ELP1: variants seen among roughly 807,000 people sequenced by gnomAD.
ELP1 encodes elongator complex protein 1.
A neutral mutation model predicts 183.2 loss-of-function variants in ELP1; 131 were observed. The observed-to-expected ratio is 0.72, with a 90% CI of 0.62 to 0.83. ELP1 has a LOEUF of 0.83. Among genes scored for constraint, ELP1 ranks in the 40% least tolerant of loss-of-function variants. The pLI is 0.00. For synonymous variants in ELP1, 555 were observed against 569.0 expected (o/e 0.98, Z 0.35); for missense variants, 1,550 against 1,594.9 (o/e 0.97, Z 0.48).
chr9:108,925,767 A>G lies in ELP1; in HGVS notation c.466+756T>C, dbSNP rs1163589162. On this transcript the variant is annotated intron_variant, in intron 5 of 36. Transcript: ENST00000374647. ...GTCTCCCTACGTTGCCTAGGCTAGTATCAAACTCCTGGGCTCAAGCAATCC... is the reference window on the plus strand; with the variant it reads ...GTCTCCCTACGTTGCCTAGGCTAGTGTCAAACTCCTGGGCTCAAGCAATCC... Among the ~76,000 whole-genome samples, 7 of 152,268 alleles carry G rather than the reference A, an allele frequency of 4.6e-5. No individual in the cohort carries two copies. The East Asian group carries it at 1.4e-3, about 29-fold the overall frequency.
At position 108,901,655 on chromosome 9, in the gene ELP1, C is replaced by G. The variant is rs1828814820; in HGVS notation, c.1881G>C (p.Arg627Ser). The G allele has an allele frequency of 1.9e-6, 3 of 1,614,066 alleles. No individual in the cohort carries two copies. The highest frequency in any genetic ancestry group is 1.6e-4 in the Middle Eastern group (1 of 6,084). The stretch of plus-strand genomic sequence containing the variant: ...CAATGTCATTGATGAAAAAGCGACA[C>G]CTGTCAGTCAGACCAAGGACACATT... ...EEECVLGLTD[R>S]CRFFINDIEV... Residue 627 changes from arginine (R) to serine (S), a missense_variant, in exon 17 of 37, where the codon AGG (arginine) becomes AGC (serine). Arg to Ser is a moderately radical substitution (Grantham distance 110). Transcript: ENST00000374647.
At chr9:108,872,736 C>T (rs950714587) in intron 36 of ELP1, among the ~76,000 whole-genome samples, 35 of 124,904 alleles carry the variant, frequency 2.8e-4, no homozygotes, top group African/African-American at 1.1e-3. Flanking sequence ...ACCCGGGAGG[C>T]GGAGCTTGCA....
At chr9:108,896,429 A>G in intron 25 of ELP1, 67 bp downstream of exon 25, 1 of 1,470,390 alleles carries the variant, frequency 6.8e-7, no homozygotes, top group Non-Finnish European at 9.5e-7. Flanking sequence ...CACTACCAGA[A>G]GCAGGGTTTC....
Position 108,881,744 on chromosome 9 carries a change from C to T in ELP1, c.3307G>A (p.Asp1103Asn). ...LRLVYKYNRLDIIETNVKPSI... is the reference protein window; with the variant it reads ...LRLVYKYNRLNIIETNVKPSI... ...GGCTTTACGTTGGTTTCTATAATAT[C>T]CAGTCTGTTATATTTGTATACCTAG... The change falls in exon 31 of 37, where the codon GAT becomes AAT. Residue 1103 changes from aspartate to asparagine, a missense_variant. Physicochemically the swap from Asp to Asn is conservative, Grantham distance 23. Transcript: ENST00000374647. The T allele has an allele frequency of 6.3e-7, 1 of 1,580,564 alleles. No individual in the cohort carries two copies. The highest frequency in any genetic ancestry group is 8.7e-7 in the Non-Finnish European group (1 of 1,149,906).
chr9:108,916,120 A>G, intron 10 of ELP1, 84 bp downstream of exon 10: 1 of 1,014,350 alleles, frequency 9.9e-7, no homozygotes, highest in Admixed American at 1.7e-5. Flanking sequence ...GGGACTAAGT[A>G]GAAGGGATGA....
intron 1 of ELP1, among the ~76,000 whole-genome samples, chr9:108,933,078 A>T (rs1451189249): frequency 6.6e-6 from 1 of 152,142 alleles, no homozygotes. Flanking sequence ...ATTAGCCCAA[A>T]CTTACCACTA....
At chr9:108,896,075 G>C (rs1279207763) in intron 25 of ELP1, among the ~76,000 whole-genome samples, 1 of 152,138 alleles carries the variant, frequency 6.6e-6, no homozygotes, top group Non-Finnish European at 1.5e-5. Flanking sequence ...GGCTAACACA[G>C]TGAAACCCTG....
chr9:108,880,558 A>G lies in ELP1; in HGVS notation c.3347-393T>C, dbSNP rs535965476. Among the ~76,000 whole-genome samples the G allele has an allele frequency of 1.4e-4, 21 of 152,308 alleles. 1 individual carries two copies. In the South Asian group the frequency reaches 4.3e-3, roughly 32 times the overall value. On this transcript the variant is annotated intron_variant, in intron 31 of 36. Transcript: ENST00000374647. The stretch of plus-strand genomic sequence containing the variant: ...ATGTTTCTGGCTAAACATCCATCAA[A>G]ATGCCCATGGATGTGGAAAAAATGT...
At position 108,879,575 on chromosome 9, in the gene ELP1, G is replaced by C. The variant is rs771159279; in HGVS notation, c.3461-18C>G. ...CTCATCATCTAGAAAAGAAGAACCA[G>C]AAGCCGATGAAAACACTGCCTGCTA... On this transcript the variant is annotated intron_variant, in intron 32 of 36. Transcript: ENST00000374647. The C allele has an allele frequency of 6.4e-7, 1 of 1,574,588 alleles. No homozygotes were observed.
chr9:108,891,148 G>T, intron 28 of ELP1, 55 bp downstream of exon 28: 2 of 1,553,434 alleles, frequency 1.3e-6, no homozygotes, highest in African/African-American at 2.7e-5. Context: ...CCAAACAAAA[G>T]AAATAAATTT....
intron 16 of ELP1, 140 bp downstream of exon 16, chr9:108,902,699 A>G: frequency 1.4e-6 from 1 of 711,056 alleles, no homozygotes; most frequent in South Asian, 1.5e-5. Flanking sequence ...GTGGCTTATG[A>G]AAGTGAGATC....
chr9:108,877,364 G>A (rs540309660), intron 35 of ELP1, among the ~76,000 whole-genome samples: 3 of 152,262 alleles, frequency 2.0e-5, no homozygotes, highest in South Asian at 4.1e-4. Flanking sequence ...TAAAATAATA[G>A]ATAGGCTTTT....
chr9:108,899,279 G>A (rs967811952), intron 20 of ELP1, among the ~76,000 whole-genome samples: 3 of 150,768 alleles, frequency 2.0e-5, no homozygotes, highest in Admixed American at 1.3e-4. Flanking sequence ...CAGCCTGGGT[G>A]ACAGAGCAAG....
chr9:108,869,269 G>A lies in ELP1; in HGVS notation c.3932-87C>T. 3 of 1,106,750 alleles carry A rather than the reference G, an allele frequency of 2.7e-6. 1 individual carries two copies. Among genetic ancestry groups the A allele is most frequent in the South Asian group, 2.5e-5 (2 of 80,702 alleles). The allele number at this position is 1,106,750 out of a possible 1,614,324, so 68.6% of individuals were successfully genotyped here. A position where few individuals can be genotyped will look rare whatever the true frequency, so the allele number is the denominator to read the frequency against. On this transcript the variant is annotated intron_variant, in intron 36 of 36. Coordinates refer to ENST00000374647, the MANE Select transcript of ELP1 (RefSeq NM_003640.5). The stretch of plus-strand genomic sequence containing the variant: ...AGTAACTCTAAACTAAACAAACTAG[G>A]CAGGTGGAGTTTGCAGCAATAAGAC...
At chr9:108,894,516 G>A (rs1828467514) in intron 25 of ELP1, among the ~76,000 whole-genome samples, 1 of 152,214 alleles carries the variant, frequency 6.6e-6, no homozygotes, top group Admixed American at 6.5e-5. Context: ...AGGGTCAGCT[G>A]AACATCAAAC....
Position 108,880,986 on chromosome 9 carries a change from T to C in ELP1, c.3346+719A>G, listed in dbSNP as rs539698468. Among the ~76,000 whole-genome samples, 184 of 152,278 alleles carry C rather than the reference T, an allele frequency of 1.2e-3. 2 individuals are homozygous for C. In the South Asian group the frequency reaches 0.015, roughly 12 times the overall value. On this transcript the variant is annotated intron_variant, in intron 31 of 36. Transcript: ENST00000374647. ...AAATGCAGAACTTAAAATCAACCAC[T>C]CCCTAAGGTTTCTATAAGTCAAACT...
At chr9:108,903,492 C>G (rs1828893983) in intron 15 of ELP1, 71 bp downstream of exon 15, 3 of 1,038,788 alleles carry the variant, frequency 2.9e-6, no homozygotes, top group Non-Finnish European at 4.5e-6. Context: ...TGACAAGATA[C>G]AAGTACATGT....
intron 6 of ELP1, among the ~76,000 whole-genome samples, chr9:108,920,240 C>T (rs1048000485): frequency 1.3e-5 from 2 of 151,856 alleles, no homozygotes; most frequent in Non-Finnish European, 2.9e-5. Context: ...TTGTTCAGGC[C>T]CAACCCTTGG....
intron 36 of ELP1, among the ~76,000 whole-genome samples, chr9:108,870,513 A>G (rs1472154702): frequency 1.3e-5 from 2 of 152,152 alleles, no homozygotes; most frequent in Admixed American, 1.3e-4. Flanking sequence ...CTCCACGTTG[A>G]GTAGGCTGAA....
Sources: allele counts gnomAD v4.1 joint callset (sites outside exome capture counted in the v4.1 genomes callset), GRCh38; gene constraint gnomAD v4.1.1; transcripts MANE v1.5; gene names NCBI Gene and HGNC (gene_info 2026-07-23, HGNC 2026-07-21).